PTPRD: variants seen among roughly 807,000 people sequenced by gnomAD.
The protein encoded by PTPRD is receptor-type tyrosine-protein phosphatase delta.
A neutral mutation model predicts 214.5 loss-of-function variants in PTPRD; 34 were observed. That is an observed-to-expected ratio of 0.16 (90% CI 0.12 to 0.21). The LOEUF is 0.21. PTPRD is among the 10% of genes least tolerant of loss of function. PTPRD has a pLI of 1.00. For synonymous variants in PTPRD, 1,128 were observed against 845.7 expected, an observed-to-expected ratio of 1.33 and a Z score of -5.79; for missense variants, 2,545 against 2,398.7, an observed-to-expected ratio of 1.06 and a Z score of -1.27.
Position 9,328,333 on chromosome 9 carries a change from T to C in PTPRD, c.-203+69116A>G, listed in dbSNP as rs2040857384. ...TACATGTAGTATGTGGTATGTCACTTACATGATTCACTTTTAGACATCTTT... is the reference window on the plus strand; with the variant it reads ...TACATGTAGTATGTGGTATGTCACTCACATGATTCACTTTTAGACATCTTT... On this transcript the variant is annotated intron_variant, in intron 9 of 45. Transcript: ENST00000381196. 2.0e-5 allele frequency among the ~76,000 whole-genome samples: 3 copies of C among 152,170 alleles called. No individual in the cohort carries two copies. The South Asian group carries it at 6.2e-4, about 32-fold the overall frequency.
In PTPRD at chr9:8,500,558, G is replaced by GAAAAAAAAAA. The variant is rs146807692; in HGVS notation, c.2128+186_2128+195dup. On this transcript the variant is annotated intron_variant, in intron 24 of 45. Transcript: ENST00000381196. ...TTACTGCATTGAGATTGAAAAAAAT[G>GAAAAAAAAAA]AAAAAAAAAAAAAAAAAAAAAAAAA... is the stretch of plus-strand genomic sequence containing the variant. Among the ~76,000 whole-genome samples the GAAAAAAAAAA allele has an allele frequency of 7.2e-3, 103 of 14,312 alleles. 29 individuals are homozygous for GAAAAAAAAAA. The highest frequency in any genetic ancestry group is 0.011 in the African/African-American group (34 of 3,190). The allele number at this position is 14,312 out of a possible 152,430, so 9.4% of individuals were successfully genotyped here.
At chr9:10,295,554 A>T (rs1342732376) in intron 3 of PTPRD, among the ~76,000 whole-genome samples, 2 of 152,104 alleles carry the variant, frequency 1.3e-5, no homozygotes, top group Non-Finnish European at 2.9e-5. Context: ...GTGATTACAC[A>T]GCATTCACAT....
At chr9:8,737,471 G>T (rs1402830235) in intron 11 of PTPRD, among the ~76,000 whole-genome samples, 1 of 151,308 alleles carries the variant, frequency 6.6e-6, no homozygotes, top group African/African-American at 2.4e-5. Context: ...CAGGATAAAA[G>T]AATATTATAA....
At chr9:9,650,196 C>T (rs1029236814) in intron 7 of PTPRD, among the ~76,000 whole-genome samples, 4 of 152,146 alleles carry the variant, frequency 2.6e-5, no homozygotes, top group Non-Finnish European at 4.4e-5. Flanking sequence ...TCTCCTGTCA[C>T]CATGTAAGAT....
intron 2 of PTPRD, among the ~76,000 whole-genome samples, chr9:10,390,214 G>C (rs945769561): frequency 6.6e-6 from 1 of 151,792 alleles, no homozygotes; most frequent in Admixed American, 6.6e-5. Flanking sequence ...GATAAGAACA[G>C]TGACATTCAA....
intron 8 of PTPRD, among the ~76,000 whole-genome samples, chr9:9,416,339 A>G (rs543887642): frequency 6.6e-6 from 1 of 152,302 alleles, no homozygotes; most frequent in South Asian, 2.1e-4. Context: ...TTGAAATAAG[A>G]CAGAATGTGA....
rs77345152 is a variant in PTPRD, at chr9:8,350,455, T to A, written c.4662-8477A>T. ...TCACCTATCATAATGGTATATGAAC[T>A]ACAAGTATTTGACATCTATGAGAAA... is the stretch of plus-strand genomic sequence containing the variant. On this transcript the variant is annotated intron_variant, in intron 39 of 45. Transcript: ENST00000381196. 2.2e-3 allele frequency among the ~76,000 whole-genome samples: 334 copies of A among 152,342 alleles called. 12 individuals are homozygous for A. In the East Asian group the frequency reaches 0.059, roughly 27 times the overall value.
intron 4 of PTPRD, among the ~76,000 whole-genome samples, chr9:9,945,598 A>G (rs1041846152): frequency 2.0e-5 from 3 of 152,196 alleles, no homozygotes; most frequent in Non-Finnish European, 2.9e-5. Flanking sequence ...CACATTGCAC[A>G]TGCAACACAG....
At chr9:9,537,484 T>C (rs905079111) in intron 8 of PTPRD, among the ~76,000 whole-genome samples, 5 of 152,106 alleles carry the variant, frequency 3.3e-5, no homozygotes, top group African/African-American at 9.6e-5. Flanking sequence ...ACTTAGTCCA[T>C]AGTCTAATTT....
intron 9 of PTPRD, among the ~76,000 whole-genome samples, chr9:9,372,003 T>C (rs2139825814): frequency 6.6e-6 from 1 of 152,340 alleles, no homozygotes; most frequent in South Asian, 2.1e-4. Flanking sequence ...TCTGTTCTTT[T>C]ACATTTGCTG....
intron 7 of PTPRD, among the ~76,000 whole-genome samples, chr9:9,619,946 T>C (rs1338622608): frequency 6.6e-6 from 1 of 151,236 alleles, no homozygotes. Context: ...TTTCTACATA[T>C]AGATAGAAAT....
At chr9:9,356,859 G>GC (rs1171813825) in intron 9 of PTPRD, among the ~76,000 whole-genome samples, 2 of 151,330 alleles carry the variant, frequency 1.3e-5, no homozygotes, top group African/African-American at 4.8e-5. Flanking sequence ...CTGAATTTCT[G>GC]CTTTGTATAA....
chr9:10,342,908 A>AAAGGGAC (rs201597014), intron 2 of PTPRD, among the ~76,000 whole-genome samples: 3,162 of 152,272 alleles, frequency 0.021, 128 homozygotes, highest in African/African-American at 0.072. Context: ...GGATTTCTGA[A>AAAGGGAC]AATGACTGTT....
intron 27 of PTPRD, 30 bp from the exon 28 acceptor site, chr9:8,486,379 C>G (rs1192359206): frequency 3.8e-6 from 6 of 1,559,170 alleles, no homozygotes; most frequent in Non-Finnish European, 5.3e-6. Context: ...GTGGTAAGAC[C>G]AACCAATCTG....
chr9:9,231,489 C>T (rs185838628), intron 9 of PTPRD, among the ~76,000 whole-genome samples: 22 of 152,164 alleles, frequency 1.4e-4, no homozygotes, highest in African/African-American at 4.3e-4. Context: ...TGTGTTGATA[C>T]CCAAATTGGA....
At chr9:10,490,821 T>C (rs573154339) in intron 2 of PTPRD, among the ~76,000 whole-genome samples, 1 of 152,216 alleles carries the variant, frequency 6.6e-6, no homozygotes, top group South Asian at 2.1e-4. Context: ...TTTGAAATTA[T>C]ATGTCATTTA....
In PTPRD at chr9:8,721,594, CTAA is replaced by C. The variant is rs2098499444; in HGVS notation, c.64+12183_64+12185del. ...ACCATAAAATAGTTTATAATAATGG[CTAA>C]TGTTTATTTAGCATTTACTATGTGC... On this transcript the variant is annotated intron_variant, in intron 12 of 45. Transcript: ENST00000381196. 2.6e-5 allele frequency among the ~76,000 whole-genome samples: 4 copies of C among 151,902 alleles called. No individual in the cohort carries two copies. The South Asian group carries it at 8.3e-4, about 32-fold the overall frequency.
At chr9:8,454,690 T>C (rs187106701) in intron 33 of PTPRD, 394 of 1,360,882 alleles carry the variant, frequency 2.9e-4, no homozygotes, top group Admixed American at 4.4e-4. Flanking sequence ...ATTTAAGAAA[T>C]AGTGTTCACA....
chr9:9,034,006 A>G (rs2099613850), intron 10 of PTPRD, among the ~76,000 whole-genome samples: 1 of 152,194 alleles, frequency 6.6e-6, no homozygotes, highest in South Asian at 2.1e-4. Flanking sequence ...GGTAAGTAGT[A>G]TACAAAATTC....
Sources: allele counts gnomAD v4.1 joint callset (sites outside exome capture counted in the v4.1 genomes callset), GRCh38; gene constraint gnomAD v4.1.1; transcripts MANE v1.5; gene names NCBI Gene and HGNC (gene_info 2026-07-23, HGNC 2026-07-21).